RBFOX1: variants seen among roughly 807,000 people sequenced by gnomAD.
The protein encoded by RBFOX1 is RNA binding protein fox-1 homolog 1.
In RBFOX1, 8 loss-of-function variants were observed where a neutral mutation model predicts 57.7. The ratio of observed to expected loss-of-function variants is 0.14; its 90% CI spans 0.08 to 0.25. The LOEUF is 0.25. Ranked by LOEUF, RBFOX1 falls within the 10% of genes least tolerant of loss-of-function variation. RBFOX1 has a pLI of 1.00. For missense variants in RBFOX1, 611 were observed against 548.5 expected (o/e 1.11, Z -1.14); for synonymous variants, 326 against 222.4 (o/e 1.47, Z -4.15).
chr16:6,841,458 C>T (rs1403034696), intron 3 of RBFOX1, among the ~76,000 whole-genome samples: 5 of 152,032 alleles, frequency 3.3e-5, no homozygotes, highest in Non-Finnish European at 7.4e-5. Flanking sequence ...TCAATAAAAC[C>T]CTCATGCAAC....
At chr16:6,070,502 A>G (rs898915344) in intron 1 of RBFOX1, among the ~76,000 whole-genome samples, 3 of 152,220 alleles carry the variant, frequency 2.0e-5, no homozygotes, top group South Asian at 2.1e-4. Flanking sequence ...TCCCATTTCA[A>G]TGAAGTCTGA....
intron 3 of RBFOX1, among the ~76,000 whole-genome samples, chr16:6,906,722 C>T (rs577876262): frequency 8.3e-6 from 1 of 121,110 alleles, no homozygotes; most frequent in African/African-American, 3.5e-5. Context: ...ATTTGCAGAA[C>T]TATTTTTTTT....
chr16:6,949,818 A>G (rs370254097), intron 3 of RBFOX1, among the ~76,000 whole-genome samples: 2 of 151,876 alleles, frequency 1.3e-5, no homozygotes, highest in African/African-American at 4.8e-5. Context: ...CTGTGTGTGT[A>G]TGAGCAGAAC....
chr16:6,168,648 T>A (rs980887357), intron 1 of RBFOX1, among the ~76,000 whole-genome samples: 1 of 152,198 alleles, frequency 6.6e-6, no homozygotes, highest in African/African-American at 2.4e-5. Context: ...AACTTTCTGA[T>A]ACCTGCAATA....
chr16:5,246,230 A>C (rs1185756576), intron 1 of RBFOX1, among the ~76,000 whole-genome samples: 1 of 152,218 alleles, frequency 6.6e-6, no homozygotes, highest in East Asian at 1.9e-4. Context: ...TGGGTGACAG[A>C]GCGAGACTCT....
chr16:6,642,731 C>T (rs557177061), intron 2 of RBFOX1, among the ~76,000 whole-genome samples: 3 of 152,184 alleles, frequency 2.0e-5, no homozygotes, highest in Middle Eastern at 3.4e-3. Context: ...GGTTGGGGAT[C>T]GTTTTGTAGT....
intron 3 of RBFOX1, among the ~76,000 whole-genome samples, chr16:5,676,588 T>G (rs2050175784): frequency 6.6e-6 from 1 of 152,008 alleles, no homozygotes; most frequent in South Asian, 2.1e-4. Context: ...ATGCTGGGTG[T>G]GGTGGCTCAT....
At chr16:5,429,115 C>T (rs1157467430) in intron 1 of RBFOX1, among the ~76,000 whole-genome samples, 1 of 152,160 alleles carries the variant, frequency 6.6e-6, no homozygotes, top group Non-Finnish European at 1.5e-5. Context: ...AGTTTCCCTC[C>T]TGCCTCTCTG....
rs868370541 is a variant in RBFOX1 at position 5,424,925 on chromosome 16, T to C, written c.220-42291T>C. On this transcript the variant is annotated intron_variant, in intron 1 of 2. Coordinates refer to the RBFOX1 transcript ENST00000585867. ...TTTCTTTCTTTCTTTCTTTCTTTCT[T>C]TCTTTCTTTCTCTCTCTTCTTTCTT... 6.1e-3 allele frequency among the ~76,000 whole-genome samples: 626 copies of C among 102,594 alleles called. 11 individuals carry two copies. The highest frequency in any genetic ancestry group is 9.1e-3 in the Non-Finnish European group (440 of 48,118). The allele number at this position is 102,594 out of a possible 152,430, so 67.3% of individuals were successfully genotyped here.
chr16:7,456,162 G>C (rs78236802), intron 4 of RBFOX1, among the ~76,000 whole-genome samples: 4,510 of 152,172 alleles, frequency 0.03, 224 homozygotes, highest in African/African-American at 0.1. Flanking sequence ...CCTGATTAAG[G>C]GGCAGGGCAG....
chr16:5,558,027 G>A (rs767313592), intron 2 of RBFOX1, among the ~76,000 whole-genome samples: 2 of 152,102 alleles, frequency 1.3e-5, no homozygotes, highest in Admixed American at 6.5e-5. Context: ...GCCCAACTCC[G>A]GGGGAGGACT....
chr16:7,022,330 G>A (rs1352812151), intron 3 of RBFOX1, among the ~76,000 whole-genome samples: 3 of 151,666 alleles, frequency 2.0e-5, no homozygotes, highest in African/African-American at 7.3e-5. Context: ...TGGGATTGCA[G>A]GCATGAACCA....
intron 3 of RBFOX1, among the ~76,000 whole-genome samples, chr16:7,009,415 C>T (rs1009025383): frequency 3.3e-5 from 5 of 151,566 alleles, no homozygotes; most frequent in African/African-American, 1.2e-4. Flanking sequence ...GTGACAAATC[C>T]ACAGGCCTTG....
chr16:6,971,740 G>C (rs2085596893), intron 3 of RBFOX1, among the ~76,000 whole-genome samples: 1 of 152,054 alleles, frequency 6.6e-6, no homozygotes, highest in South Asian at 2.1e-4. Context: ...GACGGATTGG[G>C]GACATCGTGG....
chr16:6,585,841 G>C (rs540558802), intron 2 of RBFOX1, among the ~76,000 whole-genome samples: 5 of 152,144 alleles, frequency 3.3e-5, no homozygotes, highest in African/African-American at 9.6e-5. Flanking sequence ...CATTAAAATG[G>C]ATAATTTTAA....
chr16:7,710,416 T>G, intron 15 of RBFOX1: 2 of 1,393,224 alleles, frequency 1.4e-6, no homozygotes, highest in South Asian at 1.8e-5. Context: ...AGAATTTGGT[T>G]TTGCAGGGAA....
intron 4 of RBFOX1, among the ~76,000 whole-genome samples, chr16:7,078,228 C>T (rs756390136): frequency 5.9e-5 from 9 of 152,148 alleles, no homozygotes; most frequent in Non-Finnish European, 1.2e-4. Context: ...AGCTGATGTC[C>T]ACTATACAGA....
At chr16:6,510,627 C>G (rs2096235913) in intron 2 of RBFOX1, among the ~76,000 whole-genome samples, 1 of 152,152 alleles carries the variant, frequency 6.6e-6, no homozygotes, top group Admixed American at 6.5e-5. Flanking sequence ...AGGCTCCCTA[C>G]CAAATGATTT....
At chr16:7,308,154 G>T (rs1417258733) in intron 4 of RBFOX1, among the ~76,000 whole-genome samples, 1 of 152,136 alleles carries the variant, frequency 6.6e-6, no homozygotes, top group African/African-American at 2.4e-5. Context: ...CAGAAATCTA[G>T]AGATGGTTTA....
Sources: gnomAD v4.1 joint callset for allele counts (sites outside exome capture counted in the v4.1 genomes callset) on GRCh38, gnomAD v4.1.1 for gene constraint, MANE v1.5 for transcripts, NCBI Gene and HGNC (gene_info 2026-07-23, HGNC 2026-07-21) for gene names.